Variants in ATP8B4 observed in about 807,000 individuals in gnomAD.
ATP8B4 encodes ATPase phospholipid transporting 8B4 (putative).
ATP8B4 carries 133 observed loss-of-function variants against 145.6 expected under a neutral mutation model. The observed-to-expected ratio is 0.91, with a 90% CI of 0.79 to 1.05. The LOEUF (loss-of-function observed/expected upper bound fraction) is 1.05, where lower values mean the gene tolerates loss of function less well. Among genes scored for constraint, ATP8B4 ranks in the 50% least tolerant of loss-of-function variants. ATP8B4 has a pLI of 0.00. For missense variants in ATP8B4, 1,458 were observed against 1,425.2 expected (o/e 1.02, Z -0.37); for synonymous variants, 507 against 492.9 (o/e 1.03, Z -0.38).
At chr15:50,089,326 T>C (rs60436593) in intron 2 of ATP8B4, among the ~76,000 whole-genome samples, 3,849 of 152,168 alleles carry the variant, frequency 0.025, 161 homozygotes, top group African/African-American at 0.089. Flanking sequence ...TAAACTATCA[T>C]CAGAGTGAAC....
At chr15:49,884,613 G>GAAA (rs60012082) in intron 23 of ATP8B4, among the ~76,000 whole-genome samples, 23 of 117,654 alleles carry the variant, frequency 2.0e-4, no homozygotes, top group Non-Finnish European at 2.0e-4. Flanking sequence ...CAAAAAAAAA[G>GAAA]AAAAAAAAAA....
At position 49,860,049 on chromosome 15, in the gene ATP8B4, C is replaced by T; in HGVS notation, c.*145G>A. On this transcript the variant is annotated 3_prime_UTR_variant, in exon 28 of 28. Transcript: ENST00000284509. The stretch of plus-strand genomic sequence containing the variant: ...AGCGCACACTCCTGTTTGATGGGCA[C>T]TGGCAGTTGTCTGCCGCAGATTTAA... The T allele has an allele frequency of 1.0e-6, 1 of 968,858 alleles. No homozygotes were observed. The highest frequency in any genetic ancestry group is 1.5e-6 in the Non-Finnish European group (1 of 657,762). 60.0% of individuals were successfully genotyped at this position (968,858 alleles called of 1,614,324 possible).
intron 1 of ATP8B4, among the ~76,000 whole-genome samples, chr15:50,159,703 A>C (rs1261099542): frequency 6.6e-6 from 1 of 152,086 alleles, no homozygotes; most frequent in Non-Finnish European, 1.5e-5. Context: ...AATTTTCTCA[A>C]ATGCTTTTTC....
intron 1 of ATP8B4, among the ~76,000 whole-genome samples, chr15:50,173,543 G>A (rs1156468974): frequency 9.9e-5 from 15 of 151,972 alleles, no homozygotes; most frequent in Non-Finnish European, 1.6e-4. Context: ...AGTACCCAGG[G>A]ACATAAACAC....
intron 5 of ATP8B4, among the ~76,000 whole-genome samples, chr15:50,039,502 G>A (rs995119237): frequency 6.6e-6 from 1 of 152,142 alleles, no homozygotes; most frequent in Non-Finnish European, 1.5e-5. Flanking sequence ...TAAATTAGCA[G>A]TCATTCAGGT....
chr15:49,863,526 T>C (rs2032231337), intron 26 of ATP8B4, among the ~76,000 whole-genome samples: 2 of 152,198 alleles, frequency 1.3e-5, no homozygotes, highest in Non-Finnish European at 2.9e-5. Flanking sequence ...TACCCCCAGT[T>C]ATCCAGGTCC....
At chr15:49,868,819 A>T (rs970259027) in intron 25 of ATP8B4, among the ~76,000 whole-genome samples, 1 of 152,214 alleles carries the variant, frequency 6.6e-6, no homozygotes, top group Non-Finnish European at 1.5e-5. Flanking sequence ...CCATTCTGCC[A>T]ATATGGAAAT....
chr15:49,939,821 T>A (rs2042021545), intron 14 of ATP8B4, among the ~76,000 whole-genome samples: 1 of 152,050 alleles, frequency 6.6e-6, no homozygotes, highest in African/African-American at 2.4e-5. Flanking sequence ...CAGGCCAATA[T>A]CAGAGAAATT....
At chr15:49,879,305 T>C (rs2035010934) in intron 24 of ATP8B4, 71 bp downstream of exon 24, 8 of 1,355,132 alleles carry the variant, frequency 5.9e-6, no homozygotes, top group Admixed American at 2.1e-5. Flanking sequence ...TTGTGTTTTC[T>C]ACTTAGAACC....
intron 25 of ATP8B4, among the ~76,000 whole-genome samples, chr15:49,873,971 T>C (rs2034022851): frequency 6.6e-6 from 1 of 152,236 alleles, no homozygotes; most frequent in Non-Finnish European, 1.5e-5. Context: ...ATAATGATTC[T>C]TTCCTAGGAA....
At chr15:49,862,457 ATCTTTT>A in intron 26 of ATP8B4, 82 bp from the exon 27 acceptor site, 1 of 1,445,214 alleles carries the variant, frequency 6.9e-7, no homozygotes, top group Non-Finnish European at 9.3e-7. Flanking sequence ...TTCCTACAAG[ATCTTTT>A]TTTTTTTTGA....
intron 5 of ATP8B4, among the ~76,000 whole-genome samples, chr15:50,043,724 C>A (rs954959905): frequency 5.3e-5 from 8 of 151,822 alleles, no homozygotes; most frequent in Non-Finnish European, 1.0e-4. Flanking sequence ...GAGGCCGAGG[C>A]AGGTGGATCA....
chr15:49,882,683 A>G (rs965234168), intron 23 of ATP8B4, among the ~76,000 whole-genome samples: 3 of 152,194 alleles, frequency 2.0e-5, no homozygotes, highest in Non-Finnish European at 2.9e-5. Flanking sequence ...ATCTATTCCT[A>G]TGTTGTTTCG....
intron 14 of ATP8B4, among the ~76,000 whole-genome samples, chr15:49,956,550 C>A (rs1046765869): frequency 6.6e-6 from 1 of 152,200 alleles, no homozygotes; most frequent in Non-Finnish European, 1.5e-5. Context: ...TAGTTCTCAA[C>A]AGATTTTTCT....
At chr15:49,907,852 G>T (rs2038790713) in intron 20 of ATP8B4, among the ~76,000 whole-genome samples, 1 of 152,078 alleles carries the variant, frequency 6.6e-6, no homozygotes, top group Non-Finnish European at 1.5e-5. Flanking sequence ...TGCTAATCTG[G>T]TGTCTGACCA....
At chr15:49,996,809 G>C in intron 8 of ATP8B4, 50 bp from the exon 9 acceptor site, 1 of 1,455,738 alleles carries the variant, frequency 6.9e-7, no homozygotes, top group Non-Finnish European at 9.6e-7. Flanking sequence ...CAGCCCAACA[G>C]CATCCTACCA....
intron 2 of ATP8B4, among the ~76,000 whole-genome samples, chr15:50,087,643 T>G (rs2055308636): frequency 6.6e-6 from 1 of 151,964 alleles, no homozygotes; most frequent in Admixed American, 6.6e-5. Flanking sequence ...GCAGCACTAC[T>G]TATGGCAAGT....
chr15:50,078,220 ACC>A (rs2054310045), intron 2 of ATP8B4, among the ~76,000 whole-genome samples: 1 of 150,776 alleles, frequency 6.6e-6, no homozygotes, highest in Admixed American at 6.6e-5. Context: ...CCACTCTGTC[ACC>A]CAGGCTGGTA....
At position 49,918,933 on chromosome 15, in the gene ATP8B4, A is replaced by C. The variant is rs746852334; in HGVS notation, c.1941T>G (p.Ala647=). 6.2e-6 allele frequency: 10 copies of C among 1,612,580 alleles called. No individual in the cohort carries two copies. Among genetic ancestry groups the C allele is most frequent in the Non-Finnish European group, 8.5e-6 (10 of 1,178,942 alleles). The part of the protein sequence containing the change: ...ERDLMLLGAT[A]VEDKLQEGVI... ...CACCCTCCTGTAACTTATCTTCTAC[A>C]GCAGTGGCACCTAGTAGCTTTATTG... The change falls in exon 19 of 28, where the codon GCT becomes GCG. Residue 647 remains alanine (A), a synonymous_variant. Transcript: ENST00000284509.
Sources: gnomAD v4.1 joint callset for allele counts (sites outside exome capture counted in the v4.1 genomes callset) on GRCh38, gnomAD v4.1.1 for gene constraint, MANE v1.5 for transcripts, NCBI Gene and HGNC (gene_info 2026-07-23, HGNC 2026-07-21) for gene names.